Variants in HS3ST5 observed in about 807,000 individuals in gnomAD.
HS3ST5 encodes the protein heparan sulfate-glucosamine 3-sulfotransferase 5, also known as heparan sulfate glucosamine 3-O-sulfotransferase 5.
Under a neutral mutation model 25.4 loss-of-function variants are expected in HS3ST5, and 10 were observed. That is an observed-to-expected ratio of 0.39 (90% CI 0.24 to 0.67). The LOEUF (loss-of-function observed/expected upper bound fraction) is 0.67, where lower values mean the gene tolerates loss of function less well. Ranked by LOEUF, HS3ST5 falls within the 30% of genes least tolerant of loss-of-function variation. The pLI, the probability that HS3ST5 is intolerant of heterozygous loss-of-function variation, is 0.44. For missense variants in HS3ST5, 324 were observed against 420.7 expected (o/e 0.77, Z 2.01); for synonymous variants, 170 against 162.4 (o/e 1.05, Z -0.36).
intron 3 of HS3ST5, among the ~76,000 whole-genome samples, chr6:114,092,231 C>G (rs1022232063): frequency 1.3e-5 from 2 of 152,216 alleles, no homozygotes; most frequent in African/African-American, 4.8e-5. Context: ...ATGCCTACCT[C>G]TAGGAAGCTG....
intron 1 of HS3ST5, among the ~76,000 whole-genome samples, chr6:114,235,294 G>C (rs531505977): frequency 8.0e-4 from 121 of 152,018 alleles, no homozygotes; most frequent in Non-Finnish European, 1.4e-3. Flanking sequence ...CGCTATGATA[G>C]CTCCTATTAA....
At chr6:114,217,476 A>C (rs150270724) in intron 2 of HS3ST5, among the ~76,000 whole-genome samples, 1 of 152,160 alleles carries the variant, frequency 6.6e-6, no homozygotes, top group African/African-American at 2.4e-5. Context: ...CTTCATTTTC[A>C]AGTCAATGAA....
chr6:114,288,621 T>C (rs1004700354), intron 1 of HS3ST5, among the ~76,000 whole-genome samples: 43 of 151,968 alleles, frequency 2.8e-4, no homozygotes, highest in African/African-American at 9.9e-4. Flanking sequence ...TAGATATAGA[T>C]GTATGATACC....
At chr6:114,156,152 G>A (rs1229245802) in intron 3 of HS3ST5, among the ~76,000 whole-genome samples, 1 of 151,852 alleles carries the variant, frequency 6.6e-6, no homozygotes, top group Non-Finnish European at 1.5e-5. Flanking sequence ...GCAAGGACAG[G>A]ACCTTTCCTT....
intron 1 of HS3ST5, among the ~76,000 whole-genome samples, chr6:114,333,450 G>A (rs1776485108): frequency 1.3e-5 from 2 of 152,036 alleles, no homozygotes. Context: ...GTATACAGTT[G>A]GAAGCCCTTA....
At chr6:114,226,771 A>C (rs886445650) in intron 2 of HS3ST5, among the ~76,000 whole-genome samples, 5 of 152,020 alleles carry the variant, frequency 3.3e-5, no homozygotes, top group African/African-American at 1.2e-4. Context: ...TTTCTTTAAG[A>C]AACTGCAACT....
intron 3 of HS3ST5, among the ~76,000 whole-genome samples, chr6:114,086,755 T>C (rs1244455527): frequency 1.3e-5 from 2 of 152,228 alleles, no homozygotes; most frequent in Non-Finnish European, 2.9e-5. Context: ...TTCTTGAAGC[T>C]TTTTGTTCGG....
chr6:114,169,913 T>C (rs1223462411), intron 2 of HS3ST5, among the ~76,000 whole-genome samples: 1 of 152,148 alleles, frequency 6.6e-6, no homozygotes, highest in Non-Finnish European at 1.5e-5. Flanking sequence ...AAATTGCCCT[T>C]TCAGTCACCA....
At chr6:114,124,318 T>C (rs1776932289) in intron 3 of HS3ST5, among the ~76,000 whole-genome samples, 1 of 152,174 alleles carries the variant, frequency 6.6e-6, no homozygotes, top group Non-Finnish European at 1.5e-5. Context: ...TATGGAACCC[T>C]GGAATGCAGG....
chr6:114,294,077 T>C (rs889656157), intron 1 of HS3ST5, among the ~76,000 whole-genome samples: 1 of 152,198 alleles, frequency 6.6e-6, no homozygotes, highest in African/African-American at 2.4e-5. Flanking sequence ...GGAGGGCACC[T>C]AATCTCAATA....
At chr6:114,284,981 T>A (rs1774275351) in intron 1 of HS3ST5, among the ~76,000 whole-genome samples, 1 of 152,086 alleles carries the variant, frequency 6.6e-6, no homozygotes, top group African/African-American at 2.4e-5. Flanking sequence ...GATATTCTAT[T>A]TGTACGCTAT....
At chr6:114,272,641 T>C (rs949597470) in intron 1 of HS3ST5, among the ~76,000 whole-genome samples, 1 of 152,122 alleles carries the variant, frequency 6.6e-6, no homozygotes, top group Non-Finnish European at 1.5e-5. Context: ...GAGTTCTCCC[T>C]GAGCCCAGCC....
chr6:114,303,930 GGA>G (rs1295251649), intron 1 of HS3ST5, among the ~76,000 whole-genome samples: 10 of 152,086 alleles, frequency 6.6e-5, no homozygotes, highest in African/African-American at 2.4e-4. Flanking sequence ...TGTCACTGAG[GGA>G]GAGTTTATAA....
chr6:114,071,459 A>G (rs1582564766), intron 3 of HS3ST5, among the ~76,000 whole-genome samples: 3 of 152,202 alleles, frequency 2.0e-5, no homozygotes, highest in African/African-American at 4.8e-5. Flanking sequence ...AGCAGTCTCT[A>G]CTTAATTCTA....
Position 114,181,319 on chromosome 6 carries a change from T to C in HS3ST5, c.-144-12857A>G, listed in dbSNP as rs999016328. 3.3e-5 allele frequency among the ~76,000 whole-genome samples: 5 copies of C among 152,326 alleles called. No individual in the cohort carries two copies. The South Asian group carries it at 8.3e-4, about 25-fold the overall frequency. ...TTGTTTTCCTGAATCACCCAAACCA[T>C]GGATATCTGATGTTGCCCATAATGA... On this transcript the variant is annotated intron_variant, in intron 2 of 4. Coordinates refer to ENST00000312719, the MANE Select transcript of HS3ST5 (RefSeq NM_153612.4).
At chr6:114,195,322 A>T (rs917782933) in intron 2 of HS3ST5, among the ~76,000 whole-genome samples, 3 of 152,144 alleles carry the variant, frequency 2.0e-5, no homozygotes, top group Non-Finnish European at 4.4e-5. Context: ...TGTATGCTGG[A>T]GAAAATGAGA....
chr6:114,322,947 C>G (rs190976745), intron 1 of HS3ST5, among the ~76,000 whole-genome samples: 10 of 152,292 alleles, frequency 6.6e-5, no homozygotes, highest in Admixed American at 5.9e-4. Flanking sequence ...GTGTCACTTT[C>G]AGAGGAAAGC....
At chr6:114,181,644 A>G (rs9481426) in intron 2 of HS3ST5, among the ~76,000 whole-genome samples, 66,727 of 152,000 alleles carry the variant, frequency 0.44, 14,752 homozygotes, top group Middle Eastern at 0.48. Context: ...ACCTTGTATT[A>G]AGCTGCTATT....
Position 114,312,546 on chromosome 6 carries a change from G to A in HS3ST5, c.-339+29649C>T, listed in dbSNP as rs576164733. Among the ~76,000 whole-genome samples the A allele has an allele frequency of 5.9e-5, 9 of 152,202 alleles. No homozygotes were observed. The South Asian group carries it at 1.9e-3, about 32-fold the overall frequency. Reference sequence around the variant, plus strand: ...AACTGAGAAATTGAACTTCATTAAAGTTATAATTTCTGGTCTTCAAAAGAT... The same window carrying A: ...AACTGAGAAATTGAACTTCATTAAAATTATAATTTCTGGTCTTCAAAAGAT... On this transcript the variant is annotated intron_variant, in intron 1 of 4. Coordinates refer to ENST00000312719, the MANE Select transcript of HS3ST5 (RefSeq NM_153612.4).
Sources: gnomAD v4.1 joint callset for allele counts (sites outside exome capture counted in the v4.1 genomes callset) on GRCh38, gnomAD v4.1.1 for gene constraint, MANE v1.5 for transcripts, NCBI Gene and HGNC (gene_info 2026-07-23, HGNC 2026-07-21) for gene names.